Variants in ADAMTS5 observed in about 807,000 individuals in gnomAD.
ADAMTS5 encodes the protein A disintegrin and metalloproteinase with thrombospondin motifs 5.
ADAMTS5 carries 54 observed loss-of-function variants against 81.4 expected under a neutral mutation model. The ratio of observed to expected loss-of-function variants is 0.66; its 90% CI spans 0.53 to 0.83. The LOEUF (loss-of-function observed/expected upper bound fraction) is 0.83, where lower values mean the gene tolerates loss of function less well. Among genes scored for constraint, ADAMTS5 ranks in the 40% least tolerant of loss-of-function variants. The pLI, the probability that ADAMTS5 is intolerant of heterozygous loss-of-function variation, is 0.00. For missense variants in ADAMTS5, 1,194 were observed against 1,229.9 expected (o/e 0.97, Z 0.44); for synonymous variants, 532 against 508.8 (o/e 1.05, Z -0.61).
chr21:26,959,448 T>A (rs1987486033), intron 1 of ADAMTS5, among the ~76,000 whole-genome samples: 1 of 152,178 alleles, frequency 6.6e-6, no homozygotes, highest in Non-Finnish European at 1.5e-5. Flanking sequence ...GAAGCTGAAA[T>A]TCAAACCTGT....
intron 4 of ADAMTS5, among the ~76,000 whole-genome samples, chr21:26,933,347 A>G (rs925451982): frequency 6.6e-6 from 1 of 152,196 alleles, no homozygotes; most frequent in African/African-American, 2.4e-5. Context: ...TATGTCTTCT[A>G]ATATGGTCCA....
rs893828310 is a variant in ADAMTS5 at position 26,924,564 on chromosome 21, C to T, written c.2282G>A (p.Arg761Gln). The change falls in exon 8 of 8, where the codon CGA becomes CAA. Residue 761 changes from arginine (R) to glutamine (Q), a missense_variant. By Grantham distance (43) the Arg-to-Gln change is conservative (BLOSUM62 1). Coordinates refer to ENST00000284987, the MANE Select transcript of ADAMTS5 (RefSeq NM_007038.5). ...AGTCTGGTCTTTGGCTTTGAACTGT[C>T]GAACTTTTATGTGGGTTGCCCCTTC... Reference protein sequence around the residue: ...IPEGATHIKVRQFKAKDQTRF... With the variant: ...IPEGATHIKVQQFKAKDQTRF... The T allele has an allele frequency of 8.1e-6, 13 of 1,613,874 alleles. No individual in the cohort carries two copies. Among genetic ancestry groups the T allele is most frequent in the East Asian group, 2.2e-5 (1 of 44,880 alleles).
In ADAMTS5 at chr21:26,929,959, A is replaced by G; in HGVS notation, c.2152T>C (p.Tyr718His). ...CDGIIGSKLQYDKCGVCGGDN... is the reference protein window; with the variant it reads ...CDGIIGSKLQHDKCGVCGGDN... ...CCTCCACATACTCCGCACTTGTCAT[A>G]CTGCAGCTTTGAGCCAATGATGCCG... The change falls in exon 7 of 8, where the codon TAT (tyrosine) becomes CAT (histidine). Residue 718 changes from tyrosine to histidine, a missense_variant. Physicochemically the swap from Tyr to His is moderately conservative, Grantham distance 83 (BLOSUM62 2). This residue lies in a region of ADAMTS5 where 696 missense variants were observed against 817.6 expected (regional missense o/e 0.85). Transcript: ENST00000284987. 1 of 1,614,112 alleles carries G rather than the reference A, an allele frequency of 6.2e-7. No individual in the cohort carries two copies. The highest frequency in any genetic ancestry group is 8.5e-7 in the Non-Finnish European group (1 of 1,179,982).
intron 4 of ADAMTS5, among the ~76,000 whole-genome samples, chr21:26,933,637 C>A (rs2123174815): frequency 6.6e-6 from 1 of 152,342 alleles, no homozygotes; most frequent in East Asian, 1.9e-4. Flanking sequence ...TGCAGACACA[C>A]CCCTTAGGGA....
chr21:26,938,430 G>T (rs1378903837), intron 3 of ADAMTS5, among the ~76,000 whole-genome samples: 1 of 152,182 alleles, frequency 6.6e-6, no homozygotes, highest in Non-Finnish European at 1.5e-5. Context: ...TGGAAGGAAT[G>T]CCACGCCTCC....
chr21:26,929,599 G>A (rs1261819692), intron 7 of ADAMTS5, among the ~76,000 whole-genome samples: 1 of 152,140 alleles, frequency 6.6e-6, no homozygotes, highest in Non-Finnish European at 1.5e-5. Context: ...TCACTAAAGT[G>A]GAATGTCCCC....
intron 1 of ADAMTS5, among the ~76,000 whole-genome samples, chr21:26,956,730 A>C (rs1467900603): frequency 2.6e-5 from 4 of 152,146 alleles, no homozygotes; most frequent in Non-Finnish European, 4.4e-5. Context: ...AAAATCCAAG[A>C]ATTACATTTT....
intron 3 of ADAMTS5, among the ~76,000 whole-genome samples, chr21:26,938,620 C>T (rs1987059427): frequency 6.6e-6 from 1 of 152,166 alleles, no homozygotes; most frequent in Non-Finnish European, 1.5e-5. Context: ...ACCTCCATCT[C>T]CCAGATTCAA....
At chr21:26,939,178 C>CA (rs1192626717) in intron 3 of ADAMTS5, among the ~76,000 whole-genome samples, 1 of 152,034 alleles carries the variant, frequency 6.6e-6, no homozygotes, top group Non-Finnish European at 1.5e-5. Context: ...AAGAGCACTT[C>CA]AAAAAACCAG....
intron 7 of ADAMTS5, among the ~76,000 whole-genome samples, chr21:26,928,539 A>G (rs1246680712): frequency 6.6e-6 from 1 of 152,174 alleles, no homozygotes; most frequent in Admixed American, 6.5e-5. Flanking sequence ...TAAAGTGTAT[A>G]AGGTATTACT....
Position 26,924,191 on chromosome 21 carries a change from G to T in ADAMTS5, c.2655C>A (p.Leu885=). 1 of 1,614,170 alleles carries T rather than the reference G, an allele frequency of 6.2e-7. No homozygotes were observed. The highest frequency in any genetic ancestry group is 8.5e-7 in the Non-Finnish European group (1 of 1,180,028). Residue 885 remains leucine (L), a synonymous_variant, in exon 8 of 8, where the codon CTC becomes CTA. Coordinates refer to ENST00000284987, the MANE Select transcript of ADAMTS5 (RefSeq NM_007038.5). ...SQPQWVTGPW[L]ACSRTCDTGW... is the part of the protein sequence containing the mutation. ...CTGTGTCACAGGTCCTAGAGCAGGC[G>T]AGCCATGGGCCCGTGACCCACTGCG...
At chr21:26,958,836 T>C (rs977774136) in intron 1 of ADAMTS5, among the ~76,000 whole-genome samples, 11 of 152,288 alleles carry the variant, frequency 7.2e-5, no homozygotes, top group Admixed American at 2.6e-4. Context: ...AGAAGAGGCA[T>C]TGATGAATTC....
At chr21:26,961,694 A>G (rs944522098) in intron 1 of ADAMTS5, among the ~76,000 whole-genome samples, 3 of 152,218 alleles carry the variant, frequency 2.0e-5, no homozygotes, top group Non-Finnish European at 4.4e-5. Context: ...GTCTGCTACC[A>G]GTCTCCCCAC....
chr21:26,936,273 C>G (rs1351022532), intron 3 of ADAMTS5, among the ~76,000 whole-genome samples: 30 of 152,114 alleles, frequency 2.0e-4, no homozygotes, highest in Admixed American at 2.0e-3. Context: ...AGTTAGCTAA[C>G]CTCTCCCTAA....
chr21:26,942,056 A>G (rs1987124628), intron 3 of ADAMTS5, among the ~76,000 whole-genome samples: 1 of 152,088 alleles, frequency 6.6e-6, no homozygotes, highest in Non-Finnish European at 1.5e-5. Context: ...GTATTGAGAT[A>G]TATTTTAAAC....
intron 2 of ADAMTS5, among the ~76,000 whole-genome samples, chr21:26,948,583 C>T (rs34609314): frequency 6.6e-6 from 1 of 151,976 alleles, no homozygotes; most frequent in Non-Finnish European, 1.5e-5. Flanking sequence ...ACCATGAGCT[C>T]CAGTCATTGG....
At chr21:26,944,802 A>G (rs781704892) in intron 2 of ADAMTS5, among the ~76,000 whole-genome samples, 1 of 152,170 alleles carries the variant, frequency 6.6e-6, no homozygotes, top group African/African-American at 2.4e-5. Context: ...TATTCCGACT[A>G]CTTTGGGCCA....
intron 3 of ADAMTS5, among the ~76,000 whole-genome samples, chr21:26,935,831 TTC>T (rs1272538635): frequency 6.6e-6 from 1 of 152,208 alleles, no homozygotes; most frequent in African/African-American, 2.4e-5. Context: ...GCCCATCTGT[TTC>T]TGTATTTTTC....
At chr21:26,936,745 GA>G (rs1402067319) in intron 3 of ADAMTS5, among the ~76,000 whole-genome samples, 1 of 152,048 alleles carries the variant, frequency 6.6e-6, no homozygotes, top group African/African-American at 2.4e-5. Flanking sequence ...CAAGTTAAAA[GA>G]AAAACACGAA....
Sources: allele counts gnomAD v4.1 joint callset (sites outside exome capture counted in the v4.1 genomes callset), GRCh38; gene constraint gnomAD v4.1.1; regional missense constraint gnomAD v4.1.1; transcripts MANE v1.5; gene names NCBI Gene and HGNC (gene_info 2026-07-23, HGNC 2026-07-21).